CABIN1: variants seen among roughly 807,000 people sequenced by gnomAD.
CABIN1 encodes the protein calcineurin binding protein 1.
A neutral mutation model predicts 227.7 loss-of-function variants in CABIN1; 133 were observed. That is an observed-to-expected ratio of 0.58 (90% CI 0.51 to 0.67). The LOEUF (loss-of-function observed/expected upper bound fraction) is 0.67, where lower values mean the gene tolerates loss of function less well. Ranked by LOEUF, CABIN1 falls within the 30% of genes least tolerant of loss-of-function variation. The probability of loss-of-function intolerance (pLI) is 0.00; values close to 1 mark genes in which losing one functional copy is unlikely to be tolerated. For missense variants in CABIN1, 2,408 were observed against 2,852.5 expected, an observed-to-expected ratio of 0.84 and a Z score of 3.55; for synonymous variants, 1,086 against 1,155.1, an observed-to-expected ratio of 0.94 and a Z score of 1.21.
Position 24,064,204 on chromosome 22 carries a change from GT to G in CABIN1, c.2037+20del. ...CTGGAGGAGGTAAGTGAGAATTTTCGTTTGTTTGTTTGTTTCCTGAGATGGA... is the reference window on the plus strand; with the variant it reads ...CTGGAGGAGGTAAGTGAGAATTTTCGTTGTTTGTTTGTTTCCTGAGATGGA... On this transcript the variant is annotated intron_variant, in intron 15 of 36. Transcript: ENST00000263119. 1 of 1,612,354 alleles carries G rather than the reference GT, an allele frequency of 6.2e-7. No homozygotes were observed.
At chr22:24,025,204 A>T (rs1313733236) in intron 1 of CABIN1, among the ~76,000 whole-genome samples, 2 of 152,130 alleles carry the variant, frequency 1.3e-5, no homozygotes, top group Admixed American at 1.3e-4. Flanking sequence ...GCAGCCATCA[A>T]TTTTTGACTT....
intron 17 of CABIN1, 59 bp downstream of exon 17, chr22:24,071,101 C>T: frequency 6.2e-7 from 1 of 1,610,142 alleles, no homozygotes; most frequent in Non-Finnish European, 8.5e-7. Context: ...CTGTGACATC[C>T]TGCTTCTTCA....
chr22:24,132,043 C>T (rs984727355), intron 28 of CABIN1, among the ~76,000 whole-genome samples: 1 of 147,718 alleles, frequency 6.8e-6, no homozygotes, highest in African/African-American at 2.5e-5. Context: ...CCCTGGGTTA[C>T]GGAGTGACAC....
chr22:24,020,186 A>G (rs1240845028), intron 1 of CABIN1, among the ~76,000 whole-genome samples: 1 of 152,098 alleles, frequency 6.6e-6, no homozygotes, highest in Non-Finnish European at 1.5e-5. Context: ...TATTTTCCTG[A>G]GTATTTTTTA....
chr22:24,168,315 G>A (rs1017466486), intron 32 of CABIN1, 132 bp from the exon 33 acceptor site: 23 of 804,366 alleles, frequency 2.9e-5, no homozygotes, highest in African/African-American at 2.4e-4. Flanking sequence ...CAGAGTCTGG[G>A]GTGTTGGGGG....
At chr22:24,044,621 A>G in intron 6 of CABIN1, among the ~76,000 whole-genome samples, 1 of 152,162 alleles carries the variant, frequency 6.6e-6, no homozygotes, top group Non-Finnish European at 1.5e-5. Flanking sequence ...GAACTGGGCT[A>G]TGTCTTTAAT....
chr22:24,046,007 A>T (rs778761706), intron 6 of CABIN1, among the ~76,000 whole-genome samples: 1 of 152,246 alleles, frequency 6.6e-6, no homozygotes, highest in Non-Finnish European at 1.5e-5. Flanking sequence ...CCCAGAAGGC[A>T]GGTTACTTTG....
At chr22:24,098,235 T>A in intron 26 of CABIN1, 43 bp downstream of exon 26, 3 of 1,478,670 alleles carry the variant, frequency 2.0e-6, no homozygotes, top group Non-Finnish European at 2.7e-6. Context: ...GGGCGGCACA[T>A]CAATCACGGG....
chr22:24,164,599 T>A, intron 30 of CABIN1, 36 bp downstream of exon 30: 1 of 1,597,140 alleles, frequency 6.3e-7, no homozygotes, highest in East Asian at 2.2e-5. Context: ...CCTGGCATGC[T>A]GTGTGGGTCA....
At chr22:24,176,543 G>A (rs1302914300) in intron 35 of CABIN1, among the ~76,000 whole-genome samples, 1 of 152,182 alleles carries the variant, frequency 6.6e-6, no homozygotes, top group Non-Finnish European at 1.5e-5. Context: ...ATCACGGAGG[G>A]GTACTAGCGA....
intron 28 of CABIN1, among the ~76,000 whole-genome samples, chr22:24,127,955 G>A (rs1468655184): frequency 6.6e-6 from 1 of 152,086 alleles, no homozygotes; most frequent in Admixed American, 6.6e-5. Flanking sequence ...GGGATGTTGT[G>A]TGTGCACTGC....
rs891188121 is a variant in CABIN1, at chr22:24,177,420, T to TG, written c.6206-78dup. ...CTACACAGCATAAAGGCCCAGGACC[T>TG]GGGGGGAGCGGGTGGGGGCGAGATA... is the stretch of plus-strand genomic sequence containing the variant. On this transcript the variant is annotated intron_variant, in intron 35 of 36. Transcript: ENST00000263119. The surrounding 1 kb of genome is among the most constrained non-coding windows in gnomAD (Gnocchi z 4.4). The TG allele has an allele frequency of 9.0e-6, 11 of 1,219,578 alleles. No homozygotes were observed. The African/African-American group carries it at 1.5e-4, about 17-fold the overall frequency. The allele number at this position is 1,219,578 out of a possible 1,614,324, so 75.5% of individuals were successfully genotyped here. A position where few individuals can be genotyped will look rare whatever the true frequency, so the allele number is the denominator to read the frequency against.
chr22:24,018,647 T>A (rs1465928620), intron 1 of CABIN1, among the ~76,000 whole-genome samples: 1 of 152,216 alleles, frequency 6.6e-6, no homozygotes, highest in African/African-American at 2.4e-5. Context: ...TGTGTACATA[T>A]GCAGCAGTAC....
At chr22:24,033,050 C>G (rs2036605048) in intron 1 of CABIN1, among the ~76,000 whole-genome samples, 1 of 152,176 alleles carries the variant, frequency 6.6e-6, no homozygotes, top group Non-Finnish European at 1.5e-5. Context: ...TGCACTCCAG[C>G]CTAGGCAACA....
At chr22:24,121,689 C>G (rs2043420753) in intron 28 of CABIN1, among the ~76,000 whole-genome samples, 1 of 152,238 alleles carries the variant, frequency 6.6e-6, no homozygotes, top group Non-Finnish European at 1.5e-5. Context: ...GCTTTGGGAA[C>G]TTTCCCCTTT....
intron 1 of CABIN1, among the ~76,000 whole-genome samples, chr22:24,017,450 A>T (rs2035386735): frequency 6.6e-6 from 1 of 152,138 alleles, no homozygotes; most frequent in Non-Finnish European, 1.5e-5. Context: ...CATCTTTTCA[A>T]ACTGAAACTC....
chr22:24,041,389 A>C, intron 5 of CABIN1, 116 bp downstream of exon 5: 1 of 1,315,410 alleles, frequency 7.6e-7, no homozygotes, highest in Non-Finnish European at 1.1e-6. Context: ...TCACCAAGCT[A>C]TAGTACCCAA....
At position 24,173,993 on chromosome 22, in the gene CABIN1, T is replaced by G. The variant is rs367652927; in HGVS notation, c.6040+1998T>G. On this transcript the variant is annotated intron_variant, in intron 34 of 36. Transcript: ENST00000263119. ...TAAGCAGAGACTTGGTATGGGTTTT[T>G]TTTTTTTTTTTAATTTTTATTTTTT... 7.0e-4 allele frequency among the ~76,000 whole-genome samples: 107 copies of G among 152,002 alleles called. 1 individual carries two copies. In the South Asian group the frequency reaches 0.018, roughly 26 times the overall value.
chr22:24,115,827 C>T (rs889455922), intron 27 of CABIN1, among the ~76,000 whole-genome samples: 7 of 152,360 alleles, frequency 4.6e-5, no homozygotes, highest in Middle Eastern at 3.4e-3. Context: ...CATGGAGAGT[C>T]CTACCACCAG....
Sources: allele counts gnomAD v4.1 joint callset (sites outside exome capture counted in the v4.1 genomes callset), GRCh38; gene constraint gnomAD v4.1.1; non-coding constraint Gnocchi (gnomAD v3.1); transcripts MANE v1.5; gene names NCBI Gene and HGNC (gene_info 2026-07-23, HGNC 2026-07-21).